Variants in DIPK1A observed in about 807,000 individuals in gnomAD.
DIPK1A encodes the protein family with sequence similarity 69 member A.
A neutral mutation model predicts 40.8 loss-of-function variants in DIPK1A; 27 were observed. The ratio of observed to expected loss-of-function variants is 0.66; its 90% CI spans 0.49 to 0.91. The LOEUF is 0.91. Among genes scored for constraint, DIPK1A ranks in the 40% least tolerant of loss-of-function variants. The pLI is 0.00. For synonymous variants in DIPK1A, 166 were observed against 171.3 expected (o/e 0.97, Z 0.24); for missense variants, 412 against 505.7 (o/e 0.81, Z 1.78).
At chr1:92,860,646 A>AAAAAAAAAGCCAGGTGTGGTG (rs148916481) in intron 2 of DIPK1A, among the ~76,000 whole-genome samples, 1 of 105,212 alleles carries the variant, frequency 9.5e-6, no homozygotes, top group Non-Finnish European at 1.8e-5. Flanking sequence ...AAAAAAAAAA[A>AAAAAAAAAGCCAGGTGTGGTG]TGGTGGTGTG....
chr1:92,864,453 AC>A (rs1647439233), intron 2 of DIPK1A, among the ~76,000 whole-genome samples: 1 of 152,216 alleles, frequency 6.6e-6, no homozygotes. Flanking sequence ...CCTCATTATT[AC>A]CCAGGTAGAA....
intron 2 of DIPK1A, among the ~76,000 whole-genome samples, chr1:92,859,222 T>C (rs560570769): frequency 3.3e-5 from 5 of 152,240 alleles, no homozygotes; most frequent in African/African-American, 7.2e-5. Flanking sequence ...CAATTTTTCC[T>C]AAGGAAAAAA....
At chr1:92,845,149 A>G (rs994679453) in intron 4 of DIPK1A, among the ~76,000 whole-genome samples, 110 of 151,258 alleles carry the variant, frequency 7.3e-4, no homozygotes, top group African/African-American at 2.6e-3. Flanking sequence ...GGGTTTCACC[A>G]TGTTAGCCAG....
At chr1:92,853,180 C>T (rs1687876314) in intron 2 of DIPK1A, among the ~76,000 whole-genome samples, 1 of 152,044 alleles carries the variant, frequency 6.6e-6, no homozygotes, top group African/African-American at 2.4e-5. Context: ...AGTATATCCA[C>T]CATGTCCATA....
intron 1 of DIPK1A, among the ~76,000 whole-genome samples, chr1:92,943,962 A>T (rs148268829): frequency 2.6e-5 from 4 of 152,240 alleles, no homozygotes; most frequent in Non-Finnish European, 5.9e-5. Flanking sequence ...ACAATTACAG[A>T]GCATAAGAAA....
chr1:92,862,056 T>C (rs969995711), intron 2 of DIPK1A, among the ~76,000 whole-genome samples: 3 of 152,224 alleles, frequency 2.0e-5, no homozygotes, highest in African/African-American at 7.2e-5. Context: ...GTGTTCTTTA[T>C]GGAATTCTCT....
At chr1:92,933,692 G>A (rs915999252) in intron 1 of DIPK1A, 1 of 152,218 alleles carries the variant, frequency 6.6e-6, no homozygotes, top group African/African-American at 2.4e-5. Context: ...ATATCTGCAA[G>A]AAGCTAGATT....
In DIPK1A at chr1:92,910,538, T is replaced by C. The variant is rs577419040; in HGVS notation, c.55-34108A>G. Among the ~76,000 whole-genome samples the C allele has an allele frequency of 6.6e-5, 10 of 152,228 alleles. No individual in the cohort carries two copies. The East Asian group carries it at 1.9e-3, about 29-fold the overall frequency. On this transcript the variant is annotated intron_variant, in intron 1 of 4. Transcript: ENST00000370310. ...TGTAGCAAACATCTACCAACAATAG[T>C]GCCAGTGACTAGAGTGCATCATTCA... is the stretch of plus-strand genomic sequence containing the variant.
intron 1 of DIPK1A, among the ~76,000 whole-genome samples, chr1:92,947,145 TAA>T (rs1651406500): frequency 6.6e-6 from 1 of 152,110 alleles, no homozygotes; most frequent in African/African-American, 2.4e-5. Context: ...TACACAAAAA[TAA>T]AAGTTTTAAG....
At chr1:92,918,880 A>C (rs536501196) in intron 1 of DIPK1A, among the ~76,000 whole-genome samples, 1 of 152,180 alleles carries the variant, frequency 6.6e-6, no homozygotes, top group African/African-American at 2.4e-5. Flanking sequence ...GATCCCTCGC[A>C]TGTGCAGTTC....
At position 92,836,173 on chromosome 1, in the gene DIPK1A, A is replaced by G. The variant is rs2100684491; in HGVS notation, c.475-3139T>C. 2 of 1,603,986 alleles carry G rather than the reference A, an allele frequency of 1.2e-6. No homozygotes were observed. Among genetic ancestry groups the G allele is most frequent in the Non-Finnish European group, 8.5e-7 (1 of 1,172,460 alleles). On this transcript the variant is annotated intron_variant, in intron 4 of 4. Coordinates refer to the DIPK1A transcript ENST00000615519. The stretch of plus-strand genomic sequence containing the variant: ...TTGAATAATTGAAACCAGCATTTAC[A>G]TTGGTTTCTTGAATAGCTTCTCAAT...
intron 1 of DIPK1A, among the ~76,000 whole-genome samples, chr1:92,904,456 T>C (rs1649528545): frequency 6.6e-6 from 1 of 152,208 alleles, no homozygotes; most frequent in Non-Finnish European, 1.5e-5. Context: ...AATGTTGCTA[T>C]AAATCTCTTA....
At chr1:92,859,226 GA>G (rs1223147990) in intron 2 of DIPK1A, among the ~76,000 whole-genome samples, 3 of 151,670 alleles carry the variant, frequency 2.0e-5, no homozygotes, top group South Asian at 2.1e-4. Context: ...TTTTCCTAAG[GA>G]AAAAAAATAG....
downstream of DIPK1A, chr1:92,840,753 C>G (rs762740060): frequency 2.4e-6 from 2 of 834,162 alleles, no homozygotes; most frequent in Non-Finnish European, 4.1e-6. Context: ...CGTGATGTGG[C>G]AGAAGCGAAG....
chr1:92,833,330 T>C, intron 4 of DIPK1A: 1 of 1,337,694 alleles, frequency 7.5e-7, no homozygotes, highest in Non-Finnish European at 1.1e-6. Flanking sequence ...GGTTAATTTA[T>C]GTCAAAAGTA....
rs558912308 is a variant in DIPK1A, at chr1:92,878,296, G to A, written c.55-1866C>T. ...ATATTAGGCTAGATCTGTAATCCCA[G>A]CACTTTCGGAGGCTGAGGTAGGAGA... On this transcript the variant is annotated intron_variant, in intron 1 of 4. Transcript: ENST00000370310. Among the ~76,000 whole-genome samples, 37 of 152,306 alleles carry A rather than the reference G, an allele frequency of 2.4e-4. 1 individual carries two copies. Among genetic ancestry groups the A allele is most frequent in the Admixed American group, 1.4e-3 (21 of 15,292 alleles).
intron 2 of DIPK1A, among the ~76,000 whole-genome samples, chr1:92,868,892 G>A (rs1259220719): frequency 2.0e-5 from 3 of 151,622 alleles, no homozygotes; most frequent in Non-Finnish European, 2.9e-5. Flanking sequence ...CTTGAATCTG[G>A]GAGGTGGAGG....
At chr1:92,893,699 C>G (rs1318691742) in intron 1 of DIPK1A, among the ~76,000 whole-genome samples, 24 of 151,636 alleles carry the variant, frequency 1.6e-4, no homozygotes, top group Non-Finnish European at 3.2e-4. Flanking sequence ...TTAAAAGACA[C>G]AGACTGGCAA....
At chr1:92,845,331 T>C (rs960719572) in intron 4 of DIPK1A, among the ~76,000 whole-genome samples, 5 of 146,072 alleles carry the variant, frequency 3.4e-5, no homozygotes, top group African/African-American at 5.3e-5. Context: ...AGAACTGCTA[T>C]GCTTTTTTTC....
Sources: allele counts gnomAD v4.1 joint callset (sites outside exome capture counted in the v4.1 genomes callset), GRCh38; gene constraint gnomAD v4.1.1; transcripts MANE v1.5; gene names NCBI Gene and HGNC (gene_info 2026-07-23, HGNC 2026-07-21).